Variants in L1TD1 observed in about 807,000 individuals in gnomAD.
The protein encoded by L1TD1 is LINE-1 type transposase domain-containing protein 1.
Under a neutral mutation model 25.7 loss-of-function variants are expected in L1TD1, and 26 were observed. That is an observed-to-expected ratio of 1.01 (90% CI 0.74 to 1.40). The LOEUF is 1.40. L1TD1 is among the 40% of genes most tolerant of loss of function. The pLI is 0.00. For synonymous variants in L1TD1, 421 were observed against 335.6 expected (o/e 1.25, Z -2.78); for missense variants, 1,130 against 975.0 (o/e 1.16, Z -2.12).
At position 62,211,099 on chromosome 1, in the gene L1TD1, G is replaced by T. The variant is rs1458817425; in HGVS notation, c.2325G>T (p.Arg775Ser). ...WNSSDKEKIIRASRERREITY... is the reference protein window; with the variant it reads ...WNSSDKEKIISASRERREITY... ...CTAGTGATAAAGAGAAAATAATAAG[G>T]GCTTCTAGAGAGAGAAGAGAAATTA... The change falls in exon 4 of 4, where the codon AGG becomes AGT. Residue 775 changes from arginine (R) to serine (S), a missense_variant. Transcript: ENST00000498273. 2 of 1,550,042 alleles carry T rather than the reference G, an allele frequency of 1.3e-6. No homozygotes were observed. The highest frequency in any genetic ancestry group is 4.9e-5 in the East Asian group (2 of 40,890).
At chr1:62,204,377 T>C (rs1180760731) in intron 2 of L1TD1, among the ~76,000 whole-genome samples, 3 of 152,222 alleles carry the variant, frequency 2.0e-5, no homozygotes, top group Non-Finnish European at 2.9e-5. Context: ...ATTCCCCAAG[T>C]TTTGATAGGT....
In L1TD1 at chr1:62,211,551, A is replaced by C; in HGVS notation, c.*179A>C. 1.5e-5 allele frequency: 16 copies of C among 1,053,052 alleles called. No homozygotes were observed. Among genetic ancestry groups the C allele is most frequent in the Non-Finnish European group, 1.8e-5 (14 of 774,450 alleles). The allele number at this position is 1,053,052 out of a possible 1,614,324, so 65.2% of individuals were successfully genotyped here. A position where few individuals can be genotyped will look rare whatever the true frequency, so the allele number is the denominator to read the frequency against. On this transcript the variant is annotated 3_prime_UTR_variant, in exon 4 of 4. Transcript: ENST00000498273. Reference sequence around the variant, plus strand: ...ATGTTAATAAAGGGTATGTTTAAAAAAAATAGGCTGGTCTCAATGTAGTGA... The same window carrying C: ...ATGTTAATAAAGGGTATGTTTAAAACAAATAGGCTGGTCTCAATGTAGTGA...
At chr1:62,205,441 A>ATTTTTTTTT (rs1447667211) in intron 2 of L1TD1, among the ~76,000 whole-genome samples, 15 of 53,844 alleles carry the variant, frequency 2.8e-4, no homozygotes, top group African/African-American at 5.7e-4. Context: ...ATATATATAT[A>ATTTTTTTTT]TATTTTTTTT....
intron 1 of L1TD1, among the ~76,000 whole-genome samples, chr1:62,195,406 G>GA (rs1670514843): frequency 6.6e-6 from 1 of 152,236 alleles, no homozygotes; most frequent in Non-Finnish European, 1.5e-5. Context: ...GTTCTGTGAA[G>GA]AAAAAATAAA....
At chr1:62,199,585 A>T (rs1670604891) in intron 2 of L1TD1, among the ~76,000 whole-genome samples, 1 of 150,670 alleles carries the variant, frequency 6.6e-6, no homozygotes, top group Non-Finnish European at 1.5e-5. Context: ...GTTTTAAGCC[A>T]GGCATGGTGG....
At chr1:62,201,598 TTTTC>T (rs1486076606) in intron 2 of L1TD1, among the ~76,000 whole-genome samples, 1 of 152,118 alleles carries the variant, frequency 6.6e-6, no homozygotes, top group Non-Finnish European at 1.5e-5. Flanking sequence ...AATCTCTCTT[TTTTC>T]TTTCTTAGTT....
intron 2 of L1TD1, among the ~76,000 whole-genome samples, chr1:62,197,704 C>G (rs1021643390): frequency 2.6e-5 from 4 of 151,664 alleles, no homozygotes; most frequent in Non-Finnish European, 5.9e-5. Context: ...CATGGTGAAG[C>G]CCCATCCCTA....
At chr1:62,197,431 A>G (rs938376069) in intron 2 of L1TD1, among the ~76,000 whole-genome samples, 2 of 142,958 alleles carry the variant, frequency 1.4e-5, no homozygotes, top group African/African-American at 2.6e-5. Flanking sequence ...ATATATATAT[A>G]TAGTTTAGTC....
chr1:62,195,505 G>A (rs1372414328), intron 1 of L1TD1, among the ~76,000 whole-genome samples: 1 of 152,266 alleles, frequency 6.6e-6, no homozygotes, highest in Non-Finnish European at 1.5e-5. Flanking sequence ...TGTAATCCCA[G>A]CACTTTGGGA....
intron 2 of L1TD1, among the ~76,000 whole-genome samples, chr1:62,197,397 T>TTTATATATATATATATATA (rs1269544269): frequency 1.2e-5 from 1 of 80,858 alleles, no homozygotes; most frequent in African/African-American, 3.9e-5. Flanking sequence ...AAAAAATAAA[T>TTTATATATATATATATATA]TATATATATA....
rs1371804715 is a variant in L1TD1 at position 62,212,023 on chromosome 1, G to A, written c.*651G>A. On this transcript the variant is annotated 3_prime_UTR_variant, in exon 4 of 4. Transcript: ENST00000498273. Reference sequence around the variant, plus strand: ...ATAAACTTCTATACTGTTGGGGGAGGGCTGCACCTGTCAAGATAACCTGTC... The same window carrying A: ...ATAAACTTCTATACTGTTGGGGGAGAGCTGCACCTGTCAAGATAACCTGTC... 1 of 152,194 alleles carries A rather than the reference G, an allele frequency of 6.6e-6. No individual in the cohort carries two copies. The highest frequency in any genetic ancestry group is 1.5e-5 in the Non-Finnish European group (1 of 68,082). The allele number at this position is 152,194 out of a possible 1,614,324, so 9.4% of individuals were successfully genotyped here. A position where few individuals can be genotyped will look rare whatever the true frequency, so the allele number is the denominator to read the frequency against.
rs1670748086 is a variant in L1TD1, at chr1:62,206,531, T to C, written c.-98T>C. 7 of 1,202,624 alleles carry C rather than the reference T, an allele frequency of 5.8e-6. No individual in the cohort carries two copies. The highest frequency in any genetic ancestry group is 7.6e-6 in the Non-Finnish European group (7 of 915,092). 74.5% of individuals were successfully genotyped at this position (1,202,624 alleles called of 1,614,324 possible). Reference sequence around the variant, plus strand: ...TTTTGTATTTCAGATTGACGTATTTTAAGATTTTTTTAACTTCTGAAGTCT... The same window carrying C: ...TTTTGTATTTCAGATTGACGTATTTCAAGATTTTTTTAACTTCTGAAGTCT... On this transcript the variant is annotated 5_prime_UTR_variant, in exon 3 of 4. Transcript: ENST00000498273.
chr1:62,205,417 C>CTCTA (rs1200654405), intron 2 of L1TD1, among the ~76,000 whole-genome samples: 1 of 21,812 alleles, frequency 4.6e-5, no homozygotes, highest in Non-Finnish European at 7.5e-5. Flanking sequence ...CTCTCTCTCT[C>CTCTA]TATATATATA....
chr1:62,195,356 C>G (rs1220465416), intron 1 of L1TD1, among the ~76,000 whole-genome samples: 1 of 152,354 alleles, frequency 6.6e-6, no homozygotes, highest in Non-Finnish European at 1.5e-5. Flanking sequence ...AAAAAACTCT[C>G]CTAAGACTTA....
chr1:62,195,921 C>T (rs150982264), intron 1 of L1TD1, among the ~76,000 whole-genome samples: 5 of 149,640 alleles, frequency 3.3e-5, no homozygotes, highest in African/African-American at 1.2e-4. Flanking sequence ...CCTGTAGTCC[C>T]AGCTACTAGG....
In L1TD1 at chr1:62,210,738, G is replaced by A; in HGVS notation, c.1964G>A (p.Arg655Lys). The part of the protein sequence containing the change: ...IENSVDDLSS[R>K]MDILEERIDS... The stretch of plus-strand genomic sequence containing the variant: ...AATTCAGTAGATGATCTGAGTAGCA[G>A]AATGGACATACTTGAAGAAAGAATA... The change falls in exon 4 of 4, where the codon AGA (arginine) becomes AAA (lysine). Residue 655 changes from arginine (R) to lysine (K), a missense_variant. Transcript: ENST00000498273. 6.4e-7 allele frequency: 1 copy of A among 1,551,624 alleles called. No homozygotes were observed. Among genetic ancestry groups the A allele is most frequent in the African/African-American group, 1.4e-5 (1 of 73,148 alleles).
At chr1:62,202,669 ATT>A (rs35815437) in intron 2 of L1TD1, among the ~76,000 whole-genome samples, 12,191 of 71,998 alleles carry the variant, frequency 0.17, 512 homozygotes, top group Non-Finnish European at 0.21. Flanking sequence ...CCAGGGTTTA[ATT>A]TTTTTTTTTT....
At chr1:62,195,357 C>T (rs534355347) in intron 1 of L1TD1, among the ~76,000 whole-genome samples, 4 of 152,350 alleles carry the variant, frequency 2.6e-5, no homozygotes, top group Admixed American at 2.0e-4. Flanking sequence ...AAAAACTCTC[C>T]TAAGACTTAT....
rs1182891865 is a variant in L1TD1, at chr1:62,211,849, C to T, written c.*477C>T. The T allele has an allele frequency of 3.9e-5, 6 of 153,038 alleles. No individual in the cohort carries two copies. Among genetic ancestry groups the T allele is most frequent in the African/African-American group, 1.4e-4 (6 of 41,414 alleles). The allele number at this position is 153,038 out of a possible 1,614,324, so 9.5% of individuals were successfully genotyped here. A position where few individuals can be genotyped will look rare whatever the true frequency, so the allele number is the denominator to read the frequency against. ...GCATGGTGGCGGGCGCCTGTAGTCC[C>T]AGCTACTTGGGAGGCTGAGGCAGGA... On this transcript the variant is annotated 3_prime_UTR_variant, in exon 4 of 4. Transcript: ENST00000498273.
Sources: gnomAD v4.1 joint callset for allele counts (sites outside exome capture counted in the v4.1 genomes callset) on GRCh38, gnomAD v4.1.1 for gene constraint, MANE v1.5 for transcripts, NCBI Gene and HGNC (gene_info 2026-07-23, HGNC 2026-07-21) for gene names.